The following EVC2 variants were observed in gnomAD, a reference collection of about 807,000 sequenced individuals.
EVC2 encodes limbin.
A neutral mutation model predicts 149.3 loss-of-function variants in EVC2; 148 were observed. The observed-to-expected ratio is 0.99, with a 90% CI of 0.87 to 1.14. The LOEUF is 1.14. Ranked by LOEUF, EVC2 falls within the 50% of genes most tolerant of loss-of-function variation. EVC2 has a pLI of 0.00. For synonymous variants in EVC2, 776 were observed against 649.9 expected (o/e 1.19, Z -2.95); for missense variants, 1,854 against 1,627.3 (o/e 1.14, Z -2.40).
At chr4:5,592,989 T>C (rs1334904490) in intron 16 of EVC2, among the ~76,000 whole-genome samples, 2 of 152,116 alleles carry the variant, frequency 1.3e-5, no homozygotes, top group African/African-American at 2.4e-5. Context: ...TGAGAGTGAG[T>C]TCTCATGAGA....
At chr4:5,550,088 C>T (rs1409658277) in intron 21 of EVC2, among the ~76,000 whole-genome samples, 2 of 152,118 alleles carry the variant, frequency 1.3e-5, no homozygotes, top group African/African-American at 2.4e-5. Flanking sequence ...TGCCCAGTCT[C>T]GGATGTGTCT....
chr4:5,608,057 A>G (rs1714537949), intron 16 of EVC2, among the ~76,000 whole-genome samples: 2 of 152,106 alleles, frequency 1.3e-5, no homozygotes, highest in Admixed American at 1.3e-4. Flanking sequence ...GGAGGCAGAC[A>G]CACCAACTCC....
At position 5,640,571 on chromosome 4, in the gene EVC2, C is replaced by T. The variant is rs2108863731; in HGVS notation, c.1413G>A (p.Gln471=). ...ETRKKMENQY[Q]REMMAMEEAE... is the part of the protein sequence containing the mutation. ...CTTCCTCCATTGCCATCATCTCTCTCTGGTACTGGTTTTCCATCTTCTTTC... is the reference window on the plus strand; with the variant it reads ...CTTCCTCCATTGCCATCATCTCTCTTTGGTACTGGTTTTCCATCTTCTTTC... Residue 471 remains glutamine (Q), a synonymous_variant, in exon 10 of 22, where the codon CAG becomes CAA. Coordinates refer to ENST00000344408, the MANE Select transcript of EVC2 (RefSeq NM_147127.5). This position sits in a 1 kb window ranked among gnomAD's most constrained non-coding sequence, Gnocchi z 4.6. The T allele has an allele frequency of 1.9e-6, 3 of 1,614,158 alleles. No individual in the cohort carries two copies. Among genetic ancestry groups the T allele is most frequent in the Non-Finnish European group, 2.5e-6 (3 of 1,180,026 alleles).
At position 5,607,308 on chromosome 4, in the gene EVC2, G is replaced by T. The variant is rs537884415; in HGVS notation, c.2829+8114C>A. 5.2e-4 allele frequency among the ~76,000 whole-genome samples: 79 copies of T among 152,250 alleles called. 1 individual carries two copies. Among genetic ancestry groups the T allele is most frequent in the African/African-American group, 1.8e-3 (75 of 41,546 alleles). Reference sequence around the variant, plus strand: ...AGCTCCTAAAAGAAGCTCCAAATAAGAAATATTCTACATTTTTTGATAGGA... The same window carrying T: ...AGCTCCTAAAAGAAGCTCCAAATAATAAATATTCTACATTTTTTGATAGGA... On this transcript the variant is annotated intron_variant, in intron 16 of 21. Transcript: ENST00000344408.
chr4:5,667,489 G>A (rs549523684), intron 7 of EVC2, among the ~76,000 whole-genome samples: 1 of 152,136 alleles, frequency 6.6e-6, no homozygotes, highest in Admixed American at 6.5e-5. Flanking sequence ...TTTCAATCCT[G>A]CTCCTTTCTT....
chr4:5,698,607 C>T (rs887565571), intron 1 of EVC2, among the ~76,000 whole-genome samples: 2 of 152,206 alleles, frequency 1.3e-5, no homozygotes, highest in African/African-American at 4.8e-5. Flanking sequence ...AAAAGCTCTC[C>T]CAGATGGAAC....
chr4:5,684,387 G>A (rs1424552540), intron 6 of EVC2, among the ~76,000 whole-genome samples: 1 of 152,214 alleles, frequency 6.6e-6, no homozygotes, highest in Non-Finnish European at 1.5e-5. Context: ...TCAGGAGGAG[G>A]CTGCAGGGTA....
At chr4:5,682,692 C>T (rs1472578783) in intron 6 of EVC2, among the ~76,000 whole-genome samples, 6 of 150,848 alleles carry the variant, frequency 4.0e-5, no homozygotes, top group Non-Finnish European at 8.8e-5. Context: ...AACCCTGTCT[C>T]TACTAAAAAT....
intron 20 of EVC2, 52 bp downstream of exon 20, chr4:5,568,392 A>G: frequency 1.3e-6 from 2 of 1,520,066 alleles, no homozygotes; most frequent in Middle Eastern, 4.7e-4. Flanking sequence ...ACTCATGGGG[A>G]CCCTTGTGGA....
At chr4:5,634,967 T>C (rs1271036358) in intron 10 of EVC2, among the ~76,000 whole-genome samples, 2 of 151,686 alleles carry the variant, frequency 1.3e-5, no homozygotes, top group Non-Finnish European at 2.9e-5. Flanking sequence ...TCCCATCCTT[T>C]AGCTGGAAAT....
chr4:5,635,257 A>G (rs1716820979), intron 10 of EVC2, among the ~76,000 whole-genome samples: 1 of 151,878 alleles, frequency 6.6e-6, no homozygotes, highest in Non-Finnish European at 1.5e-5. Flanking sequence ...GGCTGGTCTC[A>G]AACACCTGAC....
At chr4:5,575,031 T>C (rs1722840726) in intron 18 of EVC2, among the ~76,000 whole-genome samples, 1 of 152,218 alleles carries the variant, frequency 6.6e-6, no homozygotes, top group African/African-American at 2.4e-5. Flanking sequence ...GAGACTTTCC[T>C]ATGGCTTTAC....
intron 19 of EVC2, among the ~76,000 whole-genome samples, chr4:5,571,228 G>A (rs1231447003): frequency 7.0e-6 from 1 of 142,388 alleles, no homozygotes; most frequent in Admixed American, 7.7e-5. Flanking sequence ...CGAGGCAGGG[G>A]AATCGCTTGA....
intron 2 of EVC2, among the ~76,000 whole-genome samples, chr4:5,694,894 G>A (rs1360000812): frequency 1.3e-5 from 2 of 151,982 alleles, no homozygotes; most frequent in African/African-American, 2.4e-5. Flanking sequence ...TCTATACCTC[G>A]GTTTGCTTAA....
At chr4:5,694,759 A>G (rs1721358759) in intron 2 of EVC2, among the ~76,000 whole-genome samples, 2 of 152,182 alleles carry the variant, frequency 1.3e-5, no homozygotes, top group Admixed American at 1.3e-4. Flanking sequence ...CCACCTAGGA[A>G]TCAGAACTGC....
In EVC2 at chr4:5,622,261, T is replaced by C. The variant is rs73198152; in HGVS notation, c.2501+276A>G. 0.021 allele frequency among the ~76,000 whole-genome samples: 3,144 copies of C among 152,048 alleles called. 85 individuals are homozygous for C. Among genetic ancestry groups the C allele is most frequent in the African/African-American group, 0.06 (2,503 of 41,460 alleles). ...CCAGGGAATTATTCAGACAAGGCAATCACATTTTCCCCTGGAAGCCAGGGG... is the reference window on the plus strand; with the variant it reads ...CCAGGGAATTATTCAGACAAGGCAACCACATTTTCCCCTGGAAGCCAGGGG... On this transcript the variant is annotated intron_variant, in intron 14 of 21. Coordinates refer to ENST00000344408, the MANE Select transcript of EVC2 (RefSeq NM_147127.5). The surrounding 1 kb of genome is among the most constrained non-coding windows in gnomAD (Gnocchi z 5.8).
chr4:5,702,733 G>A (rs1260429093), intron 1 of EVC2, among the ~76,000 whole-genome samples: 1 of 152,202 alleles, frequency 6.6e-6, no homozygotes, highest in Non-Finnish European at 1.5e-5. Context: ...AATTCGCACA[G>A]AAATCTTGTG....
chr4:5,538,859 T>C (rs1184766543), downstream of EVC2, among the ~76,000 whole-genome samples: 1 of 152,060 alleles, frequency 6.6e-6, no homozygotes, highest in South Asian at 2.1e-4. Flanking sequence ...ACAGCTAATA[T>C]CATACTCAAT....
In EVC2 at chr4:5,696,695, T is replaced by C. The variant is rs540845326; in HGVS notation, c.283+898A>G. Reference sequence around the variant, plus strand: ...GGAGAAAGGCAGAGCCGTAGGAGCATTGAGAACCTTGTGCTCCTGGGTCCA... The same window carrying C: ...GGAGAAAGGCAGAGCCGTAGGAGCACTGAGAACCTTGTGCTCCTGGGTCCA... On this transcript the variant is annotated intron_variant, in intron 2 of 21. Coordinates refer to ENST00000344408, the MANE Select transcript of EVC2 (RefSeq NM_147127.5). This position sits in a 1 kb window ranked among gnomAD's most constrained non-coding sequence, Gnocchi z 4.1. Among the ~76,000 whole-genome samples the C allele has an allele frequency of 1.6e-4, 24 of 152,312 alleles. No individual in the cohort carries two copies. Among genetic ancestry groups the C allele is most frequent in the Non-Finnish European group, 2.6e-4 (18 of 68,022 alleles).
Sources: gnomAD v4.1 joint callset for allele counts (sites outside exome capture counted in the v4.1 genomes callset) on GRCh38, gnomAD v4.1.1 for gene constraint, Gnocchi (gnomAD v3.1) non-coding constraint, MANE v1.5 for transcripts, NCBI Gene and HGNC (gene_info 2026-07-23, HGNC 2026-07-21) for gene names.